Variants in MAGI2 observed in about 807,000 individuals in gnomAD.
MAGI2 encodes membrane-associated guanylate kinase, WW and PDZ domain-containing protein 2.
A neutral mutation model predicts 133.3 loss-of-function variants in MAGI2; 35 were observed. The observed-to-expected ratio is 0.26, with a 90% CI of 0.20 to 0.35. The LOEUF is 0.35. Ranked by LOEUF, MAGI2 falls within the 10% of genes least tolerant of loss-of-function variation. The probability of loss-of-function intolerance (pLI) is 1.00; values close to 1 mark genes in which losing one functional copy is unlikely to be tolerated. For missense variants in MAGI2, 1,636 were observed against 1,863.4 expected (o/e 0.88, Z 2.25); for synonymous variants, 729 against 710.6 (o/e 1.03, Z -0.41).
chr7:79,235,527 G>A (rs1233756555), intron 1 of MAGI2, among the ~76,000 whole-genome samples: 6 of 152,020 alleles, frequency 3.9e-5, no homozygotes, highest in South Asian at 2.1e-4. Flanking sequence ...TCTGAAAAGC[G>A]CAATATTTGG....
At chr7:78,284,322 A>T (rs1288962032) in intron 9 of MAGI2, among the ~76,000 whole-genome samples, 2 of 152,092 alleles carry the variant, frequency 1.3e-5, no homozygotes, top group Middle Eastern at 3.2e-3. Context: ...CAGTTTAATT[A>T]AGTTGCTATC....
At chr7:79,396,842 A>T (rs1223713728) in intron 1 of MAGI2, among the ~76,000 whole-genome samples, 1 of 152,120 alleles carries the variant, frequency 6.6e-6, no homozygotes, top group Non-Finnish European at 1.5e-5. Context: ...ACTTCTTAAA[A>T]CTGACAGCAT....
At chr7:78,431,125 C>G (rs978179989) in intron 6 of MAGI2, among the ~76,000 whole-genome samples, 1 of 146,204 alleles carries the variant, frequency 6.8e-6, no homozygotes, top group African/African-American at 2.7e-5. Context: ...AAGAAAACAC[C>G]TACTTGGTTT....
chr7:79,074,456 T>C (rs1451564561), intron 1 of MAGI2, among the ~76,000 whole-genome samples: 1 of 152,224 alleles, frequency 6.6e-6, no homozygotes, highest in Admixed American at 6.5e-5. Context: ...CTTATGCAAT[T>C]GACATTTCAT....
chr7:78,430,097 T>C (rs1799649973), intron 6 of MAGI2, among the ~76,000 whole-genome samples: 1 of 152,160 alleles, frequency 6.6e-6, no homozygotes, highest in Non-Finnish European at 1.5e-5. Flanking sequence ...CAAATGCAGA[T>C]TCCAATTCCA....
At chr7:78,574,556 C>T (rs748027693) in intron 3 of MAGI2, among the ~76,000 whole-genome samples, 8 of 152,182 alleles carry the variant, frequency 5.3e-5, no homozygotes. Context: ...CATTGTAACT[C>T]ATTAAGAACG....
intron 2 of MAGI2, among the ~76,000 whole-genome samples, chr7:78,703,136 T>A (rs113552326): frequency 0.014 from 2,193 of 151,904 alleles, 59 homozygotes; most frequent in African/African-American, 0.05. Flanking sequence ...GAAAATAAAG[T>A]TTAAAAAAAA....
At chr7:78,485,024 G>A (rs1171715616) in intron 6 of MAGI2, 1 of 151,936 alleles carries the variant, frequency 6.6e-6, no homozygotes, top group South Asian at 2.1e-4. Flanking sequence ...GTCCTACAAG[G>A]CTTAATTCAC....
intron 1 of MAGI2, among the ~76,000 whole-genome samples, chr7:79,366,504 G>A (rs1417074305): frequency 6.6e-6 from 1 of 151,970 alleles, no homozygotes; most frequent in African/African-American, 2.4e-5. Context: ...AAAACCTACT[G>A]AGCTAATAAA....
intron 1 of MAGI2, among the ~76,000 whole-genome samples, chr7:79,349,449 A>G (rs1174683967): frequency 6.6e-6 from 1 of 151,084 alleles, no homozygotes; most frequent in South Asian, 2.1e-4. Flanking sequence ...ATGACCTTCA[A>G]AGATTCTTTT....
rs371856968 is a variant in MAGI2 at position 79,205,168 on chromosome 7, C to T, written c.302-197962G>A. ...ATGTCAAATCCACATAAGAATACCC[C>T]AAGACATATTATAACCCAATTGTCA... On this transcript the variant is annotated intron_variant, in intron 1 of 21. Coordinates refer to ENST00000354212, the MANE Select transcript of MAGI2 (RefSeq NM_012301.4). Among the ~76,000 whole-genome samples, 66 of 151,902 alleles carry T rather than the reference C, an allele frequency of 4.3e-4. 1 individual carries two copies. The highest frequency in any genetic ancestry group is 1.5e-3 in the African/African-American group (64 of 41,324).
chr7:78,045,812 C>T (rs10277160), intron 21 of MAGI2, among the ~76,000 whole-genome samples: 91,610 of 151,962 alleles, frequency 0.6, 29,067 homozygotes, highest in African/African-American at 0.81. Context: ...ACCCATACTC[C>T]GGATGGGAGA....
chr7:78,866,355 A>T (rs960155294), intron 2 of MAGI2, among the ~76,000 whole-genome samples: 4 of 152,056 alleles, frequency 2.6e-5, no homozygotes, highest in Non-Finnish European at 5.9e-5. Context: ...AAAGTGAGTG[A>T]GTATGCTAAC....
intron 2 of MAGI2, among the ~76,000 whole-genome samples, chr7:78,839,287 C>A (rs895733947): frequency 6.6e-6 from 1 of 152,082 alleles, no homozygotes; most frequent in African/African-American, 2.4e-5. Flanking sequence ...ACATTTCTAA[C>A]ATGGACTTAG....
chr7:78,174,058 T>C (rs1826362918), intron 14 of MAGI2, among the ~76,000 whole-genome samples: 1 of 152,182 alleles, frequency 6.6e-6, no homozygotes, highest in Admixed American at 6.5e-5. Flanking sequence ...ACTTTAATTC[T>C]ACAGAGCCTG....
At chr7:78,529,155 T>C (rs12666870) in intron 3 of MAGI2, among the ~76,000 whole-genome samples, 39,137 of 152,178 alleles carry the variant, frequency 0.26, 5,471 homozygotes, top group South Asian at 0.51. Flanking sequence ...GTCATGCAGA[T>C]AGTTAAATTT....
intron 9 of MAGI2, among the ~76,000 whole-genome samples, chr7:78,259,238 A>T (rs1426037617): frequency 6.6e-6 from 1 of 151,854 alleles, no homozygotes; most frequent in Non-Finnish European, 1.5e-5. Flanking sequence ...GTCTACTTTC[A>T]TTCTTGCTCC....
chr7:79,022,194 A>T (rs1317610706), intron 1 of MAGI2, among the ~76,000 whole-genome samples: 3 of 152,202 alleles, frequency 2.0e-5, no homozygotes, highest in African/African-American at 7.2e-5. Flanking sequence ...ACCAAAATGC[A>T]GTAAAAATAG....
At chr7:78,093,136 C>CAAAA (rs1157039018) in intron 20 of MAGI2, among the ~76,000 whole-genome samples, 15 of 32,324 alleles carry the variant, frequency 4.6e-4, no homozygotes, top group South Asian at 1.7e-3. Context: ...ACTCCTTCTC[C>CAAAA]AAAAAAAAAA....
Sources: gnomAD v4.1 joint callset for allele counts (sites outside exome capture counted in the v4.1 genomes callset) on GRCh38, gnomAD v4.1.1 for gene constraint, MANE v1.5 for transcripts, NCBI Gene and HGNC (gene_info 2026-07-23, HGNC 2026-07-21) for gene names.